The following SRRM4 variants were observed in gnomAD, a reference collection of about 807,000 sequenced individuals.
SRRM4 encodes serine/arginine repetitive matrix protein 4.
Under a neutral mutation model 68.9 loss-of-function variants are expected in SRRM4, and 33 were observed. That is an observed-to-expected ratio of 0.48 (90% confidence interval 0.36 to 0.64). The LOEUF (loss-of-function observed/expected upper bound fraction) is 0.64, where lower values mean the gene tolerates loss of function less well. Ranked by LOEUF, SRRM4 falls within the 30% of genes least tolerant of loss-of-function variation. The pLI, the probability that SRRM4 is intolerant of heterozygous loss-of-function variation, is 0.00. For synonymous variants in SRRM4, 318 were observed against 318.8 expected, an observed-to-expected ratio of 1.00 and a Z score of 0.03; for missense variants, 817 against 827.1, an observed-to-expected ratio of 0.99 and a Z score of 0.15.
intron 1 of SRRM4, among the ~76,000 whole-genome samples, chr12:119,091,990 ATGAG>A (rs1954016983): frequency 1.3e-5 from 2 of 152,222 alleles, no homozygotes; most frequent in South Asian, 4.1e-4. Context: ...TAGCAGATGA[ATGAG>A]TGAATGAATA....
intron 3 of SRRM4, among the ~76,000 whole-genome samples, chr12:119,116,594 C>T (rs1273897324): frequency 1.3e-5 from 2 of 152,144 alleles, no homozygotes; most frequent in East Asian, 3.9e-4. Flanking sequence ...AGGCCGGTCA[C>T]TTCACCTCTC....
chr12:119,142,582 A>G (rs1451253198), intron 8 of SRRM4, among the ~76,000 whole-genome samples: 3 of 152,200 alleles, frequency 2.0e-5, no homozygotes, highest in Admixed American at 6.5e-5. Flanking sequence ...CTTGGGAGAG[A>G]AAGGCCCAGC....
intron 1 of SRRM4, among the ~76,000 whole-genome samples, chr12:118,986,255 C>T (rs1199999186): frequency 6.6e-6 from 1 of 152,120 alleles, no homozygotes; most frequent in Non-Finnish European, 1.5e-5. Context: ...GGTTAAGAGC[C>T]AATGCGCTGA....
chr12:119,004,481 A>C (rs1164650956), intron 1 of SRRM4, among the ~76,000 whole-genome samples: 1 of 152,002 alleles, frequency 6.6e-6, no homozygotes, highest in African/African-American at 2.4e-5. Flanking sequence ...GGGAGCCTAC[A>C]GCAGAGAGCT....
At position 119,160,293 on chromosome 12, in the gene SRRM4, C is replaced by CTG. The variant is rs1565922629; in HGVS notation, c.*3496_*3497insGT. 1.1e-4 allele frequency: 4 copies of CTG among 37,562 alleles called. No homozygotes were observed. Among genetic ancestry groups the CTG allele is most frequent in the African/African-American group, 3.2e-4 (2 of 6,236 alleles). 2.3% of individuals were successfully genotyped at this position (37,562 alleles called of 1,614,324 possible). The stretch of plus-strand genomic sequence containing the variant: ...TCTCTCTCTGTCTCTCTCTCTGTCT[C>CTG]TCTCTCTCTCTCTCTCTCTCTCTCT... On this transcript the variant is annotated 3_prime_UTR_variant, in exon 13 of 13. Transcript: ENST00000267260.
chr12:119,061,715 A>C (rs1051374429), intron 1 of SRRM4, among the ~76,000 whole-genome samples: 2 of 152,162 alleles, frequency 1.3e-5, no homozygotes, highest in African/African-American at 4.8e-5. Context: ...TAGTAGTTAA[A>C]AGTGTGATAG....
At chr12:119,007,635 T>A (rs774021175) in intron 1 of SRRM4, among the ~76,000 whole-genome samples, 2 of 152,124 alleles carry the variant, frequency 1.3e-5, no homozygotes, top group Non-Finnish European at 2.9e-5. Context: ...CATTAGAGAA[T>A]GAGGAAACAA....
At chr12:119,005,026 C>T (rs1038664695) in intron 1 of SRRM4, among the ~76,000 whole-genome samples, 3 of 152,200 alleles carry the variant, frequency 2.0e-5, no homozygotes, top group South Asian at 2.1e-4. Flanking sequence ...CTTCAGATTT[C>T]GGTGTTTCTG....
At chr12:119,044,425 T>C (rs913580065) in intron 1 of SRRM4, among the ~76,000 whole-genome samples, 1 of 152,150 alleles carries the variant, frequency 6.6e-6, no homozygotes, top group African/African-American at 2.4e-5. Context: ...TTATTAAAGC[T>C]AATCCTCTTC....
intron 2 of SRRM4, among the ~76,000 whole-genome samples, chr12:119,104,315 C>T (rs1472742381): frequency 1.3e-5 from 2 of 152,066 alleles, no homozygotes; most frequent in Admixed American, 6.6e-5. Context: ...CCATGTCATA[C>T]AGCATCTCTA....
chr12:119,121,877 T>C (rs928122237), intron 5 of SRRM4, among the ~76,000 whole-genome samples, 193 bp from the exon 6 acceptor site: 1 of 152,210 alleles, frequency 6.6e-6, no homozygotes, highest in Non-Finnish European at 1.5e-5. Flanking sequence ...CCTCAACATA[T>C]GTGTGTGCGT....
At chr12:119,069,217 CG>C (rs1002623044) in intron 1 of SRRM4, among the ~76,000 whole-genome samples, 1 of 152,138 alleles carries the variant, frequency 6.6e-6, no homozygotes, top group Non-Finnish European at 1.5e-5. Flanking sequence ...AGCATGTTAC[CG>C]GGGGTTCCTG....
At chr12:119,152,382 A>G (rs1954445546) in intron 10 of SRRM4, among the ~76,000 whole-genome samples, 1 of 152,254 alleles carries the variant, frequency 6.6e-6, no homozygotes, top group African/African-American at 2.4e-5. Context: ...GTCAGGAGAC[A>G]GTCCCAAAAG....
chr12:118,990,815 T>A (rs1176355309), intron 1 of SRRM4, among the ~76,000 whole-genome samples: 3 of 144,880 alleles, frequency 2.1e-5, no homozygotes, highest in Non-Finnish European at 4.4e-5. Flanking sequence ...CTTGTTTGTG[T>A]TTTTTTGGTT....
At chr12:119,145,980 AAT>A (rs1489672837) in intron 9 of SRRM4, among the ~76,000 whole-genome samples, 1 of 152,182 alleles carries the variant, frequency 6.6e-6, no homozygotes, top group Non-Finnish European at 1.5e-5. Context: ...AGCATTGTCA[AAT>A]ATGCCAAGCA....
At chr12:119,012,034 G>A (rs878904329) in intron 1 of SRRM4, among the ~76,000 whole-genome samples, 1 of 152,280 alleles carries the variant, frequency 6.6e-6, no homozygotes, top group South Asian at 2.1e-4. Flanking sequence ...TCAGTAAATG[G>A]TTGCCATAAT....
In SRRM4 at chr12:119,084,002, C is replaced by A. The variant is rs79214099; in HGVS notation, c.132-18234C>A. 3.0e-3 allele frequency among the ~76,000 whole-genome samples: 462 copies of A among 152,306 alleles called. 1 individual carries two copies. The highest frequency in any genetic ancestry group is 0.011 in the African/African-American group (445 of 41,554). Reference sequence around the variant, plus strand: ...CACTGAGCTATTGCCATAAGCCATGCACATTACAAAGTGCATCACCTCATT... The same window carrying A: ...CACTGAGCTATTGCCATAAGCCATGAACATTACAAAGTGCATCACCTCATT... On this transcript the variant is annotated intron_variant, in intron 1 of 12. Coordinates refer to ENST00000267260, the MANE Select transcript of SRRM4 (RefSeq NM_194286.4).
At chr12:119,048,143 C>A (rs1953718939) in intron 1 of SRRM4, among the ~76,000 whole-genome samples, 1 of 152,170 alleles carries the variant, frequency 6.6e-6, no homozygotes, top group African/African-American at 2.4e-5. Flanking sequence ...TTTACAAACC[C>A]TGTGAAACAA....
At chr12:119,084,150 C>A (rs1222964426) in intron 1 of SRRM4, among the ~76,000 whole-genome samples, 3 of 152,298 alleles carry the variant, frequency 2.0e-5, no homozygotes, top group African/African-American at 7.2e-5. Flanking sequence ...TGTGGCACAG[C>A]TGGAATTTGA....
Sources: allele counts gnomAD v4.1 joint callset (sites outside exome capture counted in the v4.1 genomes callset), GRCh38; gene constraint gnomAD v4.1.1; transcripts MANE v1.5; gene names NCBI Gene and HGNC (gene_info 2026-07-23, HGNC 2026-07-21).